MUC5AC: variants seen among roughly 807,000 people sequenced by gnomAD.
MUC5AC encodes the protein mucin-5AC.
In MUC5AC, 158 loss-of-function variants were observed where a neutral mutation model predicts 169.7. That is an observed-to-expected ratio of 0.93 (90% CI 0.82 to 1.06). The LOEUF is 1.06. Among genes scored for constraint, MUC5AC ranks in the 50% least tolerant of loss-of-function variants. MUC5AC has a pLI of 0.00. For missense variants in MUC5AC, 4,359 were observed against 3,089.9 expected (o/e 1.41, Z -9.74); for synonymous variants, 1,975 against 1,237.0 (o/e 1.60, Z -12.52).
At chr11:1,175,531 G>GCA (rs1233308469) in intron 19 of MUC5AC, among the ~76,000 whole-genome samples, 3 of 141,016 alleles carry the variant, frequency 2.1e-5, no homozygotes, top group African/African-American at 8.0e-5. Context: ...GCCCACTCAT[G>GCA]CACACACACC....
Position 1,191,692 on chromosome 11 carries a change from T to G in MUC5AC, c.13547T>G (p.Val4516Gly), listed in dbSNP as rs1309764498. The G allele has an allele frequency of 1.4e-6, 1 of 701,498 alleles. No homozygotes were observed. Among genetic ancestry groups the G allele is most frequent in the African/African-American group, 1.9e-5 (1 of 52,942 alleles). The allele number at this position is 701,498 out of a possible 1,614,324, so 43.5% of individuals were successfully genotyped here. A position where few individuals can be genotyped will look rare whatever the true frequency, so the allele number is the denominator to read the frequency against. Residue 4516 changes from valine (V) to glycine (G), a missense_variant, in exon 31 of 49, where the codon GTT (valine) becomes GGT (glycine). Transcript: ENST00000621226. ...GGTCCTGGAACTACTCCCAGCCCTG[T>G]TCCCACCACCAGCACAACCTCTGCT... ...TSGPGTTPSP[V>G]PTTSTTSAPT...
Position 1,195,073 on chromosome 11 carries a change from C to T in MUC5AC, c.15252C>T (p.Ser5084=). 1.3e-6 allele frequency: 1 copy of T among 757,938 alleles called. No homozygotes were observed. Among genetic ancestry groups the T allele is most frequent in the East Asian group, 2.4e-5 (1 of 40,830 alleles). 47.0% of individuals were successfully genotyped at this position (757,938 alleles called of 1,614,324 possible). A position where few individuals can be genotyped will look rare whatever the true frequency, so the allele number is the denominator to read the frequency against. ...CRTPRGTVVA[S]CSEMSGLWNV... is the part of the protein sequence containing the mutation. ...CGCCTAGGGGGACGGTGGTCGCTTCCTGCTCCGAGATGTCCGGCCTCTGGA... is the reference window on the plus strand; with the variant it reads ...CGCCTAGGGGGACGGTGGTCGCTTCTTGCTCCGAGATGTCCGGCCTCTGGA... Residue 5084 remains serine (S), a synonymous_variant, in exon 36 of 49, where the codon TCC becomes TCT. Transcript: ENST00000621226.
chr11:1,162,205 C>T (rs564971331), intron 4 of MUC5AC, 37 bp downstream of exon 4: 27 of 1,594,978 alleles, frequency 1.7e-5, no homozygotes, highest in Middle Eastern at 2.1e-4. Context: ...GGCCACGCGG[C>T]GTGTGGGGTG....
rs372962157 is a variant in MUC5AC, at chr11:1,195,483, A to G, written c.15458+204A>G. 4.7e-3 allele frequency among the ~76,000 whole-genome samples: 713 copies of G among 151,198 alleles called. 4 individuals carry two copies. Among genetic ancestry groups the G allele is most frequent in the African/African-American group, 0.016 (666 of 41,130 alleles). ...GCAGTGGGGAGGGGCGGGTGCCGGG[A>G]AGGGGTGGTTGTGGCTGGAATGCTG... On this transcript the variant is annotated intron_variant, in intron 36 of 48. Transcript: ENST00000621226.
At chr11:1,171,266 T>TCATC (rs1860516111) in intron 15 of MUC5AC, among the ~76,000 whole-genome samples, 1 of 82,054 alleles carries the variant, frequency 1.2e-5, no homozygotes, top group African/African-American at 4.8e-5. Flanking sequence ...ACTCACCCAC[T>TCATC]CACTCACCCA....
intron 16 of MUC5AC, among the ~76,000 whole-genome samples, chr11:1,173,271 TATTC>T (rs1462051508): frequency 7.0e-6 from 1 of 142,090 alleles, no homozygotes; most frequent in Non-Finnish European, 1.5e-5. Context: ...TTCCTTCACT[TATTC>T]ATTACTCACT....
rs1368343473 is a variant in MUC5AC at position 1,191,104 on chromosome 11, C to A, written c.12959C>A (p.Thr4320Asn). ...TTSTTSGPGT[T>N]PSPVPTTSTT... ...AGCACAACCTCTGGTCCTGGAACTA[C>A]TCCCAGCCCTGTTCCCACCACCAGC... Residue 4320 changes from threonine to asparagine, a missense_variant, in exon 31 of 49, where the codon ACT becomes AAT. Physicochemically the swap from Thr to Asn is moderately conservative, Grantham distance 65. Coordinates refer to ENST00000621226, the MANE Select transcript of MUC5AC (RefSeq NM_001304359.2). 14 of 707,588 alleles carry A rather than the reference C, an allele frequency of 2.0e-5. No individual in the cohort carries two copies. The East Asian group carries it at 3.7e-4, about 18-fold the overall frequency. 43.8% of individuals were successfully genotyped at this position (707,588 alleles called of 1,614,324 possible).
rs967905799 is a variant in MUC5AC at position 1,165,517 on chromosome 11, C to T, written c.1247+98C>T. 8.5e-5 allele frequency: 134 copies of T among 1,580,158 alleles called. No homozygotes were observed. The Admixed American group carries it at 1.1e-3, about 13-fold the overall frequency. ...CCGGCAGGCTCCCTCGTCTGGGCTACGGTGTAGGCAGGCCTGGGGTGAGAC... is the reference window on the plus strand; with the variant it reads ...CCGGCAGGCTCCCTCGTCTGGGCTATGGTGTAGGCAGGCCTGGGGTGAGAC... On this transcript the variant is annotated intron_variant, in intron 10 of 48. Transcript: ENST00000621226.
chr11:1,163,898 C>T lies in MUC5AC; in HGVS notation c.696C>T (p.Pro232=). 6.2e-7 allele frequency: 1 copy of T among 1,608,978 alleles called. No homozygotes were observed. Among genetic ancestry groups the T allele is most frequent in the African/African-American group, 1.3e-5 (1 of 74,940 alleles). The change falls in exon 7 of 49, where the codon CCC becomes CCT. Residue 232 remains proline, a synonymous_variant. Coordinates refer to ENST00000621226, the MANE Select transcript of MUC5AC (RefSeq NM_001304359.2). The part of the protein sequence containing the change: ...ELLSHNTKLT[P]MEFGNLQKMD... ...TTGCCGCAGACACCAAGCTGACACC[C>T]ATGGAATTCGGGAACCTGCAGAAGA...
At chr11:1,170,665 C>T (rs1860485074) in intron 15 of MUC5AC, among the ~76,000 whole-genome samples, 3 of 133,864 alleles carry the variant, frequency 2.2e-5, no homozygotes, top group African/African-American at 5.8e-5. Flanking sequence ...ACTCACTCAC[C>T]CACTCACCAA....
chr11:1,185,737 C>A lies in MUC5AC; in HGVS notation c.7592C>A (p.Thr2531Asn), dbSNP rs1390902243. Residue 2531 changes from threonine (T) to asparagine (N), a missense_variant, in exon 31 of 49, where the codon ACT becomes AAT. Thr to Asn is a moderately conservative substitution (Grantham distance 65). Coordinates refer to ENST00000621226, the MANE Select transcript of MUC5AC (RefSeq NM_001304359.2). ...AGCACAACCTCTGGTGCTGGAACTACTCCCAGCCCTGTTCCCACCACCAGC... is the reference window on the plus strand; with the variant it reads ...AGCACAACCTCTGGTGCTGGAACTAATCCCAGCCCTGTTCCCACCACCAGC... ...TTSTTSGAGT[T>N]PSPVPTTSTT... The A allele has an allele frequency of 2.7e-6, 2 of 737,604 alleles. No individual in the cohort carries two copies. Among genetic ancestry groups the A allele is most frequent in the African/African-American group, 3.5e-5 (2 of 57,590 alleles). The allele number at this position is 737,604 out of a possible 1,614,324, so 45.7% of individuals were successfully genotyped here.
Position 1,167,923 on chromosome 11 carries a change from G to A in MUC5AC, c.1433G>A (p.Cys478Tyr). 1 of 1,550,728 alleles carries A rather than the reference G, an allele frequency of 6.4e-7. No individual in the cohort carries two copies. Among genetic ancestry groups the A allele is most frequent in the Non-Finnish European group, 8.7e-7 (1 of 1,147,224 alleles). ...AFTVLAELRR[C>Y]GLTDSETCLK... ...ACTGTACTGGCTGAGCTGCGCAGGT[G>A]CGGGCTGACGGACAGCGAGACCTGC... Residue 478 changes from cysteine to tyrosine, a missense_variant, in exon 12 of 49, where the codon TGC (cysteine) becomes TAC (tyrosine). Physicochemically the swap from Cys to Tyr is radical, Grantham distance 194. Coordinates refer to ENST00000621226, the MANE Select transcript of MUC5AC (RefSeq NM_001304359.2).
At chr11:1,180,718 C>T (rs1343737501) in intron 28 of MUC5AC, among the ~76,000 whole-genome samples, 3 of 152,080 alleles carry the variant, frequency 2.0e-5, no homozygotes, top group East Asian at 1.9e-4. Context: ...GTCCCAGAGG[C>T]GGGACTGGGT....
rs1860939450 is a variant in MUC5AC at position 1,186,187 on chromosome 11, C to A, written c.8042C>A (p.Thr2681Lys). The A allele has an allele frequency of 1.3e-6, 1 of 748,320 alleles. No homozygotes were observed. The highest frequency in any genetic ancestry group is 2.4e-6 in the Non-Finnish European group (1 of 408,854). 46.4% of individuals were successfully genotyped at this position (748,320 alleles called of 1,614,324 possible). Residue 2681 changes from threonine (T) to lysine (K), a missense_variant, in exon 31 of 49, where the codon ACA becomes AAA. By Grantham distance (78) the Thr-to-Lys change is moderately conservative. Coordinates refer to ENST00000621226, the MANE Select transcript of MUC5AC (RefSeq NM_001304359.2). ...ACCACCAGCACAACTTCTGCTTCTACAACCAGCACAACCTCTGCTTCTACA... is the reference window on the plus strand; with the variant it reads ...ACCACCAGCACAACTTCTGCTTCTAAAACCAGCACAACCTCTGCTTCTACA... ...VPTTSTTSASTTSTTSASTTS... is the reference protein window; with the variant it reads ...VPTTSTTSASKTSTTSASTTS...
At chr11:1,174,446 C>T in intron 16 of MUC5AC, 50 bp from the exon 17 acceptor site, 1 of 1,182,966 alleles carries the variant, frequency 8.5e-7, no homozygotes, top group Middle Eastern at 2.0e-4. Flanking sequence ...TGGGGGGCCA[C>T]CAGGTGTGGG....
At position 1,188,767 on chromosome 11, in the gene MUC5AC, G is replaced by C. The variant is rs1861014690; in HGVS notation, c.10622G>C (p.Gly3541Ala). Reference protein sequence around the residue: ...DVDFPSPGPHGGDKETYNNII... With the variant: ...DVDFPSPGPHAGDKETYNNII... ...GACTTTCCATCCCCTGGACCCCACGGTGGGGACAAGGAAACCTACAACAAC... is the reference window on the plus strand; with the variant it reads ...GACTTTCCATCCCCTGGACCCCACGCTGGGGACAAGGAAACCTACAACAAC... The change falls in exon 31 of 49, where the codon GGT (glycine) becomes GCT (alanine). Residue 3541 changes from glycine (G) to alanine (A), a missense_variant. Physicochemically the swap from Gly to Ala is moderately conservative, Grantham distance 60. Transcript: ENST00000621226. 2 of 756,400 alleles carry C rather than the reference G, an allele frequency of 2.6e-6. No individual in the cohort carries two copies. The highest frequency in any genetic ancestry group is 2.4e-5 in the East Asian group (1 of 41,174). 46.9% of individuals were successfully genotyped at this position (756,400 alleles called of 1,614,324 possible).
chr11:1,161,236 C>T (rs1343000769), intron 2 of MUC5AC, among the ~76,000 whole-genome samples: 1 of 152,182 alleles, frequency 6.6e-6, no homozygotes, highest in Non-Finnish European at 1.5e-5. Context: ...GCCGCTGATG[C>T]AGACTCAGGT....
chr11:1,158,666 T>G (rs28434250), intron 1 of MUC5AC, among the ~76,000 whole-genome samples: 107,869 of 152,176 alleles, frequency 0.71, 39,632 homozygotes, highest in Non-Finnish European at 0.81. Flanking sequence ...GGGCCAGCAG[T>G]TCCCTTCCTC....
chr11:1,185,992 C>T lies in MUC5AC; in HGVS notation c.7847C>T (p.Pro2616Leu). The T allele has an allele frequency of 1.4e-6, 1 of 728,974 alleles. No individual in the cohort carries two copies. 45.2% of individuals were successfully genotyped at this position (728,974 alleles called of 1,614,324 possible). Residue 2616 changes from proline to leucine, a missense_variant, in exon 31 of 49, where the codon CCT becomes CTT. Pro to Leu is a moderately conservative substitution (Grantham distance 98). Transcript: ENST00000621226. ...CCTACAACCAGCACAAACTCTGCCC[C>T]TATAAGCAGCACAACCTCTGCCACT... ...SAPTTSTNSA[P>L]ISSTTSATTT...
Sources: allele counts gnomAD v4.1 joint callset (sites outside exome capture counted in the v4.1 genomes callset), GRCh38; gene constraint gnomAD v4.1.1; transcripts MANE v1.5; gene names NCBI Gene and HGNC (gene_info 2026-07-23, HGNC 2026-07-21).